CHRNA3: variants seen among roughly 807,000 people sequenced by gnomAD.
CHRNA3 encodes cholinergic receptor nicotinic alpha 3 subunit.
CHRNA3 carries 34 observed loss-of-function variants against 41.9 expected under a neutral mutation model. The observed-to-expected ratio is 0.81, with a 90% confidence interval of 0.62 to 1.08. The LOEUF (loss-of-function observed/expected upper bound fraction) is 1.08. Among genes scored for constraint, CHRNA3 ranks in the 50% least tolerant of loss-of-function variants. The probability of loss-of-function intolerance (pLI) is 0.00; values close to 1 mark genes in which losing one functional copy is unlikely to be tolerated. For synonymous variants in CHRNA3, 281 were observed against 265.2 expected (o/e 1.06, Z -0.58); for missense variants, 542 against 638.3 (o/e 0.85, Z 1.63).
chr15:78,620,977 G>GCT lies in CHRNA3; in HGVS notation c.-184_-183insAG. 1.3e-6 allele frequency: 1 copy of GCT among 780,816 alleles called. No homozygotes were observed. The highest frequency in any genetic ancestry group is 1.7e-6 in the Non-Finnish European group (1 of 583,934). The allele number at this position is 780,816 out of a possible 1,614,324, so 48.4% of individuals were successfully genotyped here. On this transcript the variant is annotated 5_prime_UTR_variant, in exon 1 of 6. Transcript: ENST00000326828. ...TTCCAGCGCCCTCGGACCCGCGGGA[G>GCT]GACAGGAACCATCCGGAGTGAAGCT...
intron 4 of CHRNA3, among the ~76,000 whole-genome samples, chr15:78,604,700 T>G (rs957589872): frequency 6.6e-6 from 1 of 152,120 alleles, no homozygotes; most frequent in African/African-American, 2.4e-5. Flanking sequence ...AAATATTTGT[T>G]GACCTAACGA....
At position 78,604,631 on chromosome 15, in the gene CHRNA3, G is replaced by A. The variant is rs529937269; in HGVS notation, c.378-2367C>T. 3.3e-5 allele frequency among the ~76,000 whole-genome samples: 5 copies of A among 152,318 alleles called. No individual in the cohort carries two copies. In the South Asian group the frequency reaches 1.0e-3, roughly 32 times the overall value. On this transcript the variant is annotated intron_variant, in intron 4 of 5. Transcript: ENST00000326828. ...TCTCTACTAGCAGAAGACAGAACAT[G>A]CAGACCCAGCTGGAGACTGGGGTCT...
Position 78,601,702 on chromosome 15 carries a change from AAAT to A in CHRNA3, c.937_939del (p.Ile313del). 1 of 1,614,130 alleles carries A rather than the reference AAAT, an allele frequency of 6.2e-7. No individual in the cohort carries two copies. Among genetic ancestry groups the A allele is most frequent in the Non-Finnish European group, 8.5e-7 (1 of 1,180,018 alleles). ...GTGATGACGATGGACAAGGTTACAA[AAAT>A]CATGGTGAACAGGAGGTACTCTCCA... On this transcript the variant is annotated inframe_deletion, in exon 5 of 6. Transcript: ENST00000326828.
In CHRNA3 at chr15:78,596,138, G is replaced by T. The variant is rs201550331; in HGVS notation, c.*466C>A. 2 of 985,492 alleles carry T rather than the reference G, an allele frequency of 2.0e-6. No homozygotes were observed. Among genetic ancestry groups the T allele is most frequent in the African/African-American group, 3.5e-5 (2 of 57,232 alleles). The allele number at this position is 985,492 out of a possible 1,614,324, so 61.0% of individuals were successfully genotyped here. ...TAGCCCTTTAGACCCAGTAAAGAAC[G>T]AGAAATGCATGGTAAGAAATGGGTA... On this transcript the variant is annotated 3_prime_UTR_variant, in exon 6 of 6. Transcript: ENST00000326828.
Position 78,618,920 on chromosome 15 carries a change from G to T in CHRNA3, c.83-5C>A. The T allele has an allele frequency of 6.2e-7, 1 of 1,612,612 alleles. No individual in the cohort carries two copies. The highest frequency in any genetic ancestry group is 8.5e-7 in the Non-Finnish European group (1 of 1,179,920). On this transcript the variant is annotated splice_region_variant and splice_polypyrimidine_tract_variant and intron_variant, in intron 1 of 5. Coordinates refer to ENST00000326828, the MANE Select transcript of CHRNA3 (RefSeq NM_000743.5). ...CAGCCTCTGAGGCCCTGGCCACTGTGGGAAGCAGCCCTGTCAGTCCCTGGG... is the reference window on the plus strand; with the variant it reads ...CAGCCTCTGAGGCCCTGGCCACTGTTGGAAGCAGCCCTGTCAGTCCCTGGG...
In CHRNA3 at chr15:78,595,602, A is replaced by AG. The variant is rs2053092625; in HGVS notation, c.*1001dup. 1 of 156,482 alleles carries AG rather than the reference A, an allele frequency of 6.4e-6. No individual in the cohort carries two copies. The highest frequency in any genetic ancestry group is 6.5e-5 in the Admixed American group (1 of 15,282). 9.7% of individuals were successfully genotyped at this position (156,482 alleles called of 1,614,324 possible). A position where few individuals can be genotyped will look rare whatever the true frequency, so the allele number is the denominator to read the frequency against. ...TACTGCTAAAGATCCTACAATGCAC[A>AG]GGATACCCCCATTCTGTACCAACAC... is the stretch of plus-strand genomic sequence containing the variant. On this transcript the variant is annotated 3_prime_UTR_variant, in exon 6 of 6. Transcript: ENST00000326828.
In CHRNA3 at chr15:78,596,364, A is replaced by G. The variant is rs2053110292; in HGVS notation, c.*240T>C. The G allele has an allele frequency of 3.5e-6, 4 of 1,158,906 alleles. No individual in the cohort carries two copies. The African/African-American group carries it at 4.8e-5, about 14-fold the overall frequency. 71.8% of individuals were successfully genotyped at this position (1,158,906 alleles called of 1,614,324 possible). A position where few individuals can be genotyped will look rare whatever the true frequency, so the allele number is the denominator to read the frequency against. ...TAGCATAGCATACTAATCACATAGA[A>G]TCACATTTTGACATCTCTTTACCAT... On this transcript the variant is annotated 3_prime_UTR_variant, in exon 6 of 6. Transcript: ENST00000326828.
At chr15:78,593,470 C>A (rs1648410751), downstream of CHRNA3, 1 of 373,588 alleles carries the variant, frequency 2.7e-6, no homozygotes, top group Non-Finnish European at 4.7e-6. Flanking sequence ...GTAAAAATAG[C>A]AAAATATTAT....
At chr15:78,613,368 CACCAT>C (rs2053409812) in intron 4 of CHRNA3, among the ~76,000 whole-genome samples, 1 of 152,070 alleles carries the variant, frequency 6.6e-6, no homozygotes, top group Non-Finnish European at 1.5e-5. Flanking sequence ...GGCACATATA[CACCAT>C]GGAATACTAT....
intron 1 of CHRNA3, chr15:78,620,128 A>C: frequency 6.6e-6 from 1 of 152,376 alleles, no homozygotes; most frequent in Non-Finnish European, 1.5e-5. Context: ...TCCTCTGGAG[A>C]GCGGGAGGAA....
chr15:78,594,084 T>G (rs901642723), downstream of CHRNA3: 1 of 152,194 alleles, frequency 6.6e-6, no homozygotes, highest in Non-Finnish European at 1.5e-5. Flanking sequence ...TGCTTTTCCA[T>G]AACCAACATT....
At chr15:78,610,802 A>G (rs983992909) in intron 4 of CHRNA3, among the ~76,000 whole-genome samples, 15 of 152,160 alleles carry the variant, frequency 9.9e-5, no homozygotes, top group African/African-American at 2.7e-4. Context: ...TTTTTTGAAA[A>G]GATCAACAAA....
intron 4 of CHRNA3, among the ~76,000 whole-genome samples, chr15:78,607,927 C>A (rs1179349902): frequency 6.8e-6 from 1 of 147,828 alleles, no homozygotes; most frequent in African/African-American, 2.7e-5. Context: ...TTACATCCTG[C>A]ACCTTGCTCG....
At chr15:78,596,858 C>CT (rs1468720122) in intron 5 of CHRNA3, 126 bp from the exon 6 acceptor site, 3 of 1,346,914 alleles carry the variant, frequency 2.2e-6, no homozygotes, top group Non-Finnish European at 2.9e-6. Context: ...GTAAGAAGCC[C>CT]TTTTTTTCCT....
chr15:78,610,165 C>T (rs866937768), intron 4 of CHRNA3, among the ~76,000 whole-genome samples: 34 of 152,244 alleles, frequency 2.2e-4, no homozygotes, highest in African/African-American at 2.6e-4. Context: ...TTAGACAGAT[C>T]AACAAGACAA....
chr15:78,596,503 A>G lies in CHRNA3; in HGVS notation c.*101T>C. On this transcript the variant is annotated 3_prime_UTR_variant, in exon 6 of 6. Transcript: ENST00000326828. ...AAGTAAACCTCGAAATGCCAAAAAC[A>G]AAGCTGGTAGCTTGATAACAGAAAG... 1 of 1,338,694 alleles carries G rather than the reference A, an allele frequency of 7.5e-7. No individual in the cohort carries two copies. Among genetic ancestry groups the G allele is most frequent in the Non-Finnish European group, 9.6e-7 (1 of 1,041,764 alleles). The allele number at this position is 1,338,694 out of a possible 1,614,324, so 82.9% of individuals were successfully genotyped here.
chr15:78,610,220 C>T (rs1257701834), intron 4 of CHRNA3, among the ~76,000 whole-genome samples: 14 of 152,148 alleles, frequency 9.2e-5, no homozygotes, highest in East Asian at 1.9e-4. Context: ...CTGCACCAAG[C>T]GGACCTAATA....
chr15:78,606,782 C>G (rs910650382), intron 4 of CHRNA3, among the ~76,000 whole-genome samples: 17 of 151,932 alleles, frequency 1.1e-4, no homozygotes, highest in African/African-American at 4.1e-4. Context: ...ACCTGTAGTC[C>G]CAGCTACTTG....
chr15:78,594,341 T>C (rs2053063682), downstream of CHRNA3: 1 of 152,146 alleles, frequency 6.6e-6, no homozygotes, highest in African/African-American at 2.4e-5. Flanking sequence ...TCCTTGATCT[T>C]AGAATAGTCA....
Sources: allele counts gnomAD v4.1 joint callset (sites outside exome capture counted in the v4.1 genomes callset), GRCh38; gene constraint gnomAD v4.1.1; transcripts MANE v1.5; gene names NCBI Gene and HGNC (gene_info 2026-07-23, HGNC 2026-07-21).